Variants in CHRNB3 observed in about 807,000 individuals in gnomAD.
CHRNB3 encodes cholinergic receptor nicotinic beta 3 subunit, also known as neuronal acetylcholine receptor subunit beta-3.
A neutral mutation model predicts 40.6 loss-of-function variants in CHRNB3; 37 were observed. The ratio of observed to expected loss-of-function variants is 0.91; its 90% confidence interval spans 0.70 to 1.20. The LOEUF is 1.20. Ranked by LOEUF, CHRNB3 falls within the 50% of genes most tolerant of loss-of-function variation. The pLI is 0.00. For synonymous variants in CHRNB3, 207 were observed against 207.1 expected (o/e 1.00, Z 0.00); for missense variants, 505 against 551.2 (o/e 0.92, Z 0.84).
intron 3 of CHRNB3, among the ~76,000 whole-genome samples, chr8:42,726,448 A>G (rs1037181758): frequency 2.0e-5 from 3 of 151,628 alleles, no homozygotes; most frequent in African/African-American, 7.3e-5. Context: ...AGATACTAAC[A>G]ATGAACGACT....
chr8:42,716,680 T>C (rs1285412900), intron 3 of CHRNB3, among the ~76,000 whole-genome samples: 2 of 152,098 alleles, frequency 1.3e-5, no homozygotes, highest in Non-Finnish European at 2.9e-5. Flanking sequence ...GCCATGGCGA[T>C]GGTAAACTGA....
At chr8:42,719,670 T>A (rs1250223069) in intron 3 of CHRNB3, among the ~76,000 whole-genome samples, 2 of 152,064 alleles carry the variant, frequency 1.3e-5, no homozygotes, top group Non-Finnish European at 2.9e-5. Context: ...AGAAACTGGA[T>A]GAGCCCTCTG....
chr8:42,735,113 G>T (rs889386293), intron 5 of CHRNB3, among the ~76,000 whole-genome samples: 3 of 151,996 alleles, frequency 2.0e-5, no homozygotes, highest in African/African-American at 7.3e-5. Context: ...CCAGCTACTC[G>T]GGAGGCTGAG....
In CHRNB3 at chr8:42,732,373, T is replaced by C. The variant is rs1267037804; in HGVS notation, c.1066T>C (p.Tyr356His). 9 of 1,612,768 alleles carry C rather than the reference T, an allele frequency of 5.6e-6. No homozygotes were observed. Among genetic ancestry groups the C allele is most frequent in the African/African-American group, 1.3e-5 (1 of 74,766 alleles). The change falls in exon 5 of 6, where the codon TAC becomes CAC. Residue 356 changes from tyrosine (Y) to histidine (H), a missense_variant. Coordinates refer to ENST00000289957, the MANE Select transcript of CHRNB3 (RefSeq NM_000749.5). ...LLCMKDHVDR[Y>H]SSPEKEESQP... The stretch of plus-strand genomic sequence containing the variant: ...TTGCATGAAAGATCATGTGGATCGC[T>C]ACTCATCCCCAGAGAAAGAGGAGAG...
chr8:42,708,082 G>T (rs1815948416), intron 1 of CHRNB3, among the ~76,000 whole-genome samples: 1 of 152,216 alleles, frequency 6.6e-6, no homozygotes, highest in African/African-American at 2.4e-5. Context: ...ACCAGAGGTA[G>T]GGGTCGGGGT....
chr8:42,699,752 C>T (rs2128903850), intron 1 of CHRNB3, among the ~76,000 whole-genome samples: 1 of 151,974 alleles, frequency 6.6e-6, no homozygotes, highest in Non-Finnish European at 1.5e-5. Context: ...GCAACAAGAG[C>T]GAAACTCGGT....
intron 3 of CHRNB3, chr8:42,725,978 G>A: frequency 8.8e-7 from 1 of 1,131,086 alleles, no homozygotes; most frequent in Non-Finnish European, 1.3e-6. Flanking sequence ...GCCAAGGAAT[G>A]TTTATCTGGC....
chr8:42,698,819 T>C (rs1297322874), intron 1 of CHRNB3, among the ~76,000 whole-genome samples: 5 of 152,228 alleles, frequency 3.3e-5, no homozygotes, highest in African/African-American at 1.2e-4. Context: ...TACCACTCTT[T>C]TCCCAAGGAA....
Position 42,732,276 on chromosome 8 carries a change from A to G in CHRNB3, c.969A>G (p.Arg323=), listed in dbSNP as rs1244506256. The change falls in exon 5 of 6, where the codon AGA becomes AGG. Residue 323 remains arginine, a synonymous_variant. Transcript: ENST00000289957. ...VTVFVINVHH[R]SSSTYHPMAP... ...TGTTTGTCATTAACGTTCACCACAG[A>G]TCTTCTTCCACGTACCACCCCATGG... 6.2e-7 allele frequency: 1 copy of G among 1,609,474 alleles called. No homozygotes were observed. Among genetic ancestry groups the G allele is most frequent in the South Asian group, 1.1e-5 (1 of 89,976 alleles).
chr8:42,721,131 G>A (rs1206716468), intron 3 of CHRNB3, among the ~76,000 whole-genome samples: 1 of 152,242 alleles, frequency 6.6e-6, no homozygotes, highest in Non-Finnish European at 1.5e-5. Context: ...CTTGCAGCGT[G>A]CTGCAGCTGC....
intron 3 of CHRNB3, among the ~76,000 whole-genome samples, chr8:42,714,238 G>A (rs1816063127): frequency 6.6e-6 from 1 of 152,166 alleles, no homozygotes; most frequent in East Asian, 1.9e-4. Flanking sequence ...GCTCACGCCT[G>A]TAATCCCAGC....
At chr8:42,736,408 T>C (rs1816523619) in intron 5 of CHRNB3, 76 bp from the exon 6 acceptor site, 2 of 1,529,764 alleles carry the variant, frequency 1.3e-6, no homozygotes, top group African/African-American at 1.4e-5. Flanking sequence ...AATGTTACTC[T>C]TTTTTAATCC....
Position 42,697,563 on chromosome 8 carries a change from T to A in CHRNB3, c.17T>A (p.Met6Lys), listed in dbSNP as rs1815698305. Reference sequence around the variant, plus strand: ...GACATCACGATGCTCCCAGATTTTATGCTGGTTCTCATCGTCCTTGGCATC... The same window carrying A: ...GACATCACGATGCTCCCAGATTTTAAGCTGGTTCTCATCGTCCTTGGCATC... MLPDF[M>K]LVLIVLGIPS... The change falls in exon 1 of 6, where the codon ATG becomes AAG. Residue 6 changes from methionine to lysine, a missense_variant. Met to Lys is a moderately conservative substitution (Grantham distance 95). Coordinates refer to ENST00000289957, the MANE Select transcript of CHRNB3 (RefSeq NM_000749.5). 1 of 1,613,736 alleles carries A rather than the reference T, an allele frequency of 6.2e-7. No individual in the cohort carries two copies. Among genetic ancestry groups the A allele is most frequent in the Non-Finnish European group, 8.5e-7 (1 of 1,179,736 alleles).
chr8:42,734,634 TG>T (rs1274451438), intron 5 of CHRNB3, among the ~76,000 whole-genome samples: 1 of 151,666 alleles, frequency 6.6e-6, no homozygotes, highest in Non-Finnish European at 1.5e-5. Flanking sequence ...TTAACCAGGA[TG>T]GTGTCGATTT....
Position 42,731,709 on chromosome 8 carries a change from C to G in CHRNB3, c.402C>G (p.Ile134Met), listed in dbSNP as rs768194990. 4 of 1,613,450 alleles carry G rather than the reference C, an allele frequency of 2.5e-6. No homozygotes were observed. The highest frequency in any genetic ancestry group is 1.6e-4 in the Middle Eastern group (1 of 6,084). The change falls in exon 5 of 6, where the codon ATC (isoleucine) becomes ATG (methionine). Residue 134 changes from isoleucine to methionine, a missense_variant. By Grantham distance (10) the Ile-to-Met change is conservative (BLOSUM62 1). Coordinates refer to ENST00000289957, the MANE Select transcript of CHRNB3 (RefSeq NM_000749.5). Reference sequence around the variant, plus strand: ...AAGGCTCCCTGATGACCAAGGTCATCGTGAAATCAAACGGAACTGTTGTCT... The same window carrying G: ...AAGGCTCCCTGATGACCAAGGTCATGGTGAAATCAAACGGAACTGTTGTCT... ...RFEGSLMTKV[I>M]VKSNGTVVWT... is the part of the protein sequence containing the mutation.
intron 1 of CHRNB3, among the ~76,000 whole-genome samples, chr8:42,700,693 ATTT>A (rs1256103843): frequency 1.3e-5 from 2 of 152,228 alleles, no homozygotes; most frequent in Non-Finnish European, 2.9e-5. Flanking sequence ...AATCCTGAAG[ATTT>A]TTATGAAATC....
At chr8:42,731,562 A>C (rs1404913757) in intron 4 of CHRNB3, 105 bp from the exon 5 acceptor site, 2 of 1,275,902 alleles carry the variant, frequency 1.6e-6, no homozygotes, top group Non-Finnish European at 2.1e-6. Flanking sequence ...CTCAAAAAAG[A>C]AAAGAAAAGA....
chr8:42,720,498 C>A (rs1816203885), intron 3 of CHRNB3, among the ~76,000 whole-genome samples: 1 of 152,122 alleles, frequency 6.6e-6, no homozygotes, highest in Admixed American at 6.6e-5. Flanking sequence ...TGTTCTGTAT[C>A]CCATACCCAA....
Position 42,736,895 on chromosome 8 carries a change from G to A in CHRNB3, c.*277G>A, listed in dbSNP as rs940121282. On this transcript the variant is annotated 3_prime_UTR_variant, in exon 6 of 6. Coordinates refer to ENST00000289957, the MANE Select transcript of CHRNB3 (RefSeq NM_000749.5). ...CATAGGTCCAGGCTTGAGCTCACAT[G>A]TGGCCAGAGTGCACAAAAAGCTGTT... The A allele has an allele frequency of 1.6e-4, 60 of 369,172 alleles. No individual in the cohort carries two copies. Among genetic ancestry groups the A allele is most frequent in the Admixed American group, 1.0e-3 (24 of 23,036 alleles). 22.9% of individuals were successfully genotyped at this position (369,172 alleles called of 1,614,324 possible).
Sources: gnomAD v4.1 joint callset for allele counts (sites outside exome capture counted in the v4.1 genomes callset) on GRCh38, gnomAD v4.1.1 for gene constraint, MANE v1.5 for transcripts, NCBI Gene and HGNC (gene_info 2026-07-23, HGNC 2026-07-21) for gene names.